Variants in GREM1 observed in about 807,000 individuals in gnomAD.
GREM1 encodes the protein gremlin 1, DAN family BMP antagonist, also known as gremlin-1.
GREM1 carries 6 observed loss-of-function variants against 13.1 expected under a neutral mutation model. That is an observed-to-expected ratio of 0.46 (90% CI 0.25 to 0.91). The LOEUF (loss-of-function observed/expected upper bound fraction) is 0.91. Ranked by LOEUF, GREM1 falls within the 40% of genes least tolerant of loss-of-function variation. The pLI is 0.18. For missense variants in GREM1, 185 were observed against 233.9 expected (o/e 0.79, Z 1.36); for synonymous variants, 98 against 93.7 (o/e 1.05, Z -0.27).
chr15:32,724,658 C>CT (rs1457923101), intron 1 of GREM1, among the ~76,000 whole-genome samples: 1 of 150,690 alleles, frequency 6.6e-6, no homozygotes, highest in South Asian at 2.1e-4. Flanking sequence ...TTTTATAATA[C>CT]TTTAAGTTCT....
chr15:32,724,173 T>C (rs944403904), intron 1 of GREM1, among the ~76,000 whole-genome samples: 3 of 152,164 alleles, frequency 2.0e-5, no homozygotes, highest in Non-Finnish European at 2.9e-5. Context: ...GAAGGAAAAG[T>C]TGAGTATAAA....
rs1353604165 is a variant in GREM1, at chr15:32,737,988, G to T, written c.*6743G>T. On this transcript the variant is annotated 3_prime_UTR_variant, in exon 2 of 2. Coordinates refer to ENST00000651154, the MANE Select transcript of GREM1 (RefSeq NM_013372.7). ...GCTAACATCATACTTAAAGGTGAAAGACTGAAAGCTTTCCCCCAAGAGGAA... is the reference window on the plus strand; with the variant it reads ...GCTAACATCATACTTAAAGGTGAAATACTGAAAGCTTTCCCCCAAGAGGAA... 9.5e-6 allele frequency: 1 copy of T among 105,596 alleles called. No homozygotes were observed. Among genetic ancestry groups the T allele is most frequent in the African/African-American group, 3.5e-5 (1 of 28,690 alleles). 6.5% of individuals were successfully genotyped at this position (105,596 alleles called of 1,614,324 possible). A position where few individuals can be genotyped will look rare whatever the true frequency, so the allele number is the denominator to read the frequency against.
rs549253370 is a variant in GREM1, at chr15:32,734,663, TTCTG to T, written c.*3420_*3423del. On this transcript the variant is annotated 3_prime_UTR_variant, in exon 2 of 2. Coordinates refer to ENST00000651154, the MANE Select transcript of GREM1 (RefSeq NM_013372.7). The stretch of plus-strand genomic sequence containing the variant: ...GCAACTAATAAATTAAACCTATTCT[TTCTG>T]TGTGTGTGAGCGTGCGTTTGTGTTT... 4.2e-6 allele frequency: 1 copy of T among 238,144 alleles called. No homozygotes were observed. The highest frequency in any genetic ancestry group is 8.7e-6 in the Non-Finnish European group (1 of 114,428). 14.8% of individuals were successfully genotyped at this position (238,144 alleles called of 1,614,324 possible).
rs747649135 is a variant in GREM1 at position 32,730,898 on chromosome 15, G to C, written c.208G>C (p.Gly70Arg). 6.2e-7 allele frequency: 1 copy of C among 1,613,566 alleles called. No individual in the cohort carries two copies. Among genetic ancestry groups the C allele is most frequent in the Non-Finnish European group, 8.5e-7 (1 of 1,179,768 alleles). The change falls in exon 2 of 2, where the codon GGG becomes CGG. Residue 70 changes from glycine (G) to arginine (R), a missense_variant. By Grantham distance (125) the Gly-to-Arg change is moderately radical. Transcript: ENST00000651154. Reference protein sequence around the residue: ...RGQGRGTAMPGEEVLESSQEA... With the variant: ...RGQGRGTAMPREEVLESSQEA... ...CCAAGGGCGGGGCACTGCCATGCCC[G>C]GGGAGGAGGTGCTGGAGTCCAGCCA...
Position 32,724,277 on chromosome 15 carries a change from G to C in GREM1, c.-2+6116G>C, listed in dbSNP as rs10519738. Among the ~76,000 whole-genome samples the C allele has an allele frequency of 0.62, 94,348 of 152,108 alleles. 29,673 individuals carry two copies. The highest frequency in any genetic ancestry group is 0.69 in the Non-Finnish European group (46,608 of 67,982). On this transcript the variant is annotated intron_variant, in intron 1 of 1. Coordinates refer to ENST00000651154, the MANE Select transcript of GREM1 (RefSeq NM_013372.7). ...ATGAGGTAAACTTGTCCTATGCAGT[G>C]AACATACATTCCCAGTTAGTCTCAG...
intron 1 of GREM1, among the ~76,000 whole-genome samples, chr15:32,723,435 C>T (rs2055445481): frequency 6.6e-6 from 1 of 152,142 alleles, no homozygotes; most frequent in Non-Finnish European, 1.5e-5. Flanking sequence ...CTGCTGTTCT[C>T]TGAGAAGCTG....
rs910206536 is a variant in GREM1, at chr15:32,718,008, G to C, written c.-155G>C. 50 of 1,073,272 alleles carry C rather than the reference G, an allele frequency of 4.7e-5. No homozygotes were observed. Among genetic ancestry groups the C allele is most frequent in the Middle Eastern group, 8.3e-4 (2 of 2,424 alleles). 66.5% of individuals were successfully genotyped at this position (1,073,272 alleles called of 1,614,324 possible). A position where few individuals can be genotyped will look rare whatever the true frequency, so the allele number is the denominator to read the frequency against. ...GGAGACGGCGCGATGCCTGGCACTC[G>C]GTGCGCCTTCCGCGGACCGGGCGAC... On this transcript the variant is annotated 5_prime_UTR_variant, in exon 1 of 2. Transcript: ENST00000651154.
chr15:32,718,388 A>C (rs2055334714), intron 1 of GREM1: 1 of 490,512 alleles, frequency 2.0e-6, no homozygotes, highest in East Asian at 5.0e-5. Flanking sequence ...TAGGAAAAAA[A>C]GTTGTCAGGA....
rs2055613562 is a variant in GREM1 at position 32,731,309 on chromosome 15, C to T, written c.*64C>T. Reference sequence around the variant, plus strand: ...GCCCCAGGAAGTCCCAGACCTAAAACAACCAGATTCTTACTTGGCTTAAAC... The same window carrying T: ...GCCCCAGGAAGTCCCAGACCTAAAATAACCAGATTCTTACTTGGCTTAAAC... On this transcript the variant is annotated 3_prime_UTR_variant, in exon 2 of 2. Transcript: ENST00000651154. 7.6e-7 allele frequency: 1 copy of T among 1,310,118 alleles called. No individual in the cohort carries two copies. Among genetic ancestry groups the T allele is most frequent in the Admixed American group, 1.9e-5 (1 of 51,400 alleles). 81.2% of individuals were successfully genotyped at this position (1,310,118 alleles called of 1,614,324 possible). A position where few individuals can be genotyped will look rare whatever the true frequency, so the allele number is the denominator to read the frequency against.
intron 1 of GREM1, among the ~76,000 whole-genome samples, chr15:32,727,197 C>G (rs1324571548): frequency 7.4e-6 from 1 of 135,502 alleles, no homozygotes; most frequent in African/African-American, 2.8e-5. Flanking sequence ...CTGGCAGAGA[C>G]ACAACATAAA....
rs2055742782 is a variant in GREM1, at chr15:32,739,446, C to T, written c.*8201C>T. On this transcript the variant is annotated 3_prime_UTR_variant, in exon 2 of 2. Coordinates refer to ENST00000651154, the MANE Select transcript of GREM1 (RefSeq NM_013372.7). ...AGAAAAGATAAGGCCTGAATTAAGG[C>T]AGCAGCCCTAAACCTTTTTCTATAA... The T allele has an allele frequency of 6.6e-6, 1 of 152,322 alleles. No homozygotes were observed. Among genetic ancestry groups the T allele is most frequent in the Admixed American group, 6.5e-5 (1 of 15,302 alleles). The allele number at this position is 152,322 out of a possible 1,614,324, so 9.4% of individuals were successfully genotyped here.
At chr15:32,720,635 T>C (rs1262274680) in intron 1 of GREM1, among the ~76,000 whole-genome samples, 4 of 152,258 alleles carry the variant, frequency 2.6e-5, no homozygotes, top group Non-Finnish European at 2.9e-5. Context: ...AGTTTTAACA[T>C]ATGCTCTTAG....
chr15:32,730,213 T>G (rs1280201978), intron 1 of GREM1, among the ~76,000 whole-genome samples: 1 of 152,188 alleles, frequency 6.6e-6, no homozygotes, highest in Admixed American at 6.5e-5. Context: ...ATGATAAAAA[T>G]GCAAAGTCTC....
Position 32,739,669 on chromosome 15 carries a change from T to G in GREM1, c.*8424T>G, listed in dbSNP as rs1457978752. 6.6e-6 allele frequency: 1 copy of G among 152,236 alleles called. No homozygotes were observed. Among genetic ancestry groups the G allele is most frequent in the African/African-American group, 2.4e-5 (1 of 41,462 alleles). 9.4% of individuals were successfully genotyped at this position (152,236 alleles called of 1,614,324 possible). On this transcript the variant is annotated 3_prime_UTR_variant, in exon 2 of 2. Transcript: ENST00000651154. ...GCAAAAATTCATGGCTAAATTCCTTTGTGAGGAATCCAGAAACTAAAAGGC... is the reference window on the plus strand; with the variant it reads ...GCAAAAATTCATGGCTAAATTCCTTGGTGAGGAATCCAGAAACTAAAAGGC...
Position 32,738,095 on chromosome 15 carries a change from A to C in GREM1, c.*6850A>C, listed in dbSNP as rs2055721788. ...TAGGGTAATTAGGCAAAAAAAAAAAAAAAAAAAAAAAAAAAAAAAAAAAAA... is the reference window on the plus strand; with the variant it reads ...TAGGGTAATTAGGCAAAAAAAAAAACAAAAAAAAAAAAAAAAAAAAAAAAA... On this transcript the variant is annotated 3_prime_UTR_variant, in exon 2 of 2. Coordinates refer to ENST00000651154, the MANE Select transcript of GREM1 (RefSeq NM_013372.7). 1.7e-5 allele frequency: 1 copy of C among 59,930 alleles called. No homozygotes were observed. The highest frequency in any genetic ancestry group is 8.1e-5 in the African/African-American group (1 of 12,370). 3.7% of individuals were successfully genotyped at this position (59,930 alleles called of 1,614,324 possible). A position where few individuals can be genotyped will look rare whatever the true frequency, so the allele number is the denominator to read the frequency against.
Position 32,738,943 on chromosome 15 carries a change from TG to T in GREM1, c.*7699del, listed in dbSNP as rs2140767401. 6.6e-6 allele frequency: 1 copy of T among 152,276 alleles called. No individual in the cohort carries two copies. The highest frequency in any genetic ancestry group is 6.5e-5 in the Admixed American group (1 of 15,300). The allele number at this position is 152,276 out of a possible 1,614,324, so 9.4% of individuals were successfully genotyped here. ...CAGCCTACATGACAGAGTAAGTCTC[TG>T]TCTCAAAAACAAAACAAACAACAAA... On this transcript the variant is annotated 3_prime_UTR_variant, in exon 2 of 2. Transcript: ENST00000651154.
In GREM1 at chr15:32,734,606, C is replaced by T; in HGVS notation, c.*3361C>T. 4.1e-6 allele frequency: 1 copy of T among 246,280 alleles called. No individual in the cohort carries two copies. Among genetic ancestry groups the T allele is most frequent in the East Asian group, 6.1e-5 (1 of 16,330 alleles). The allele number at this position is 246,280 out of a possible 1,614,324, so 15.3% of individuals were successfully genotyped here. ...CTGTAACTAGAATTTAATTTTCACC[C>T]CAATAATGTTCTATATAGCCTTTGC... On this transcript the variant is annotated 3_prime_UTR_variant, in exon 2 of 2. Transcript: ENST00000651154.
chr15:32,730,737 G>T lies in GREM1; in HGVS notation c.47G>T (p.Gly16Val). 1 of 1,596,070 alleles carries T rather than the reference G, an allele frequency of 6.3e-7. No individual in the cohort carries two copies. Among genetic ancestry groups the T allele is most frequent in the Non-Finnish European group, 8.5e-7 (1 of 1,172,486 alleles). The change falls in exon 2 of 2, where the codon GGG becomes GTG. Residue 16 changes from glycine (G) to valine (V), a missense_variant. By Grantham distance (109) the Gly-to-Val change is moderately radical (BLOSUM62 -3). Transcript: ENST00000651154. ...YTVGALLLLL[G>V]TLLPAAEGKK... ...GTGGGAGCCCTGCTTCTCCTCTTGG[G>T]GACCCTGCTGCCGGCTGCTGAAGGG...
Position 32,730,794 on chromosome 15 carries a change from C to T in GREM1, c.104C>T (p.Pro35Leu), listed in dbSNP as rs779454972. ...AAAGGGTCCCAAGGTGCCATCCCCC[C>T]GCCAGACAAGGCCCAGCACAATGAC... Reference protein sequence around the residue: ...KKKGSQGAIPPPDKAQHNDSE... With the variant: ...KKKGSQGAIPLPDKAQHNDSE... The change falls in exon 2 of 2, where the codon CCG (proline) becomes CTG (leucine). Residue 35 changes from proline (P) to leucine (L), a missense_variant. Physicochemically the swap from Pro to Leu is moderately conservative, Grantham distance 98. Transcript: ENST00000651154. 1.2e-5 allele frequency: 19 copies of T among 1,613,736 alleles called. No individual in the cohort carries two copies. The highest frequency in any genetic ancestry group is 4.5e-5 in the East Asian group (2 of 44,878).
Sources: allele counts gnomAD v4.1 joint callset (sites outside exome capture counted in the v4.1 genomes callset), GRCh38; gene constraint gnomAD v4.1.1; transcripts MANE v1.5; gene names NCBI Gene and HGNC (gene_info 2026-07-23, HGNC 2026-07-21).